CNTN4: variants seen among roughly 807,000 people sequenced by gnomAD.
CNTN4 encodes the protein contactin 4, also known as contactin-4.
CNTN4 carries 77 observed loss-of-function variants against 122.5 expected under a neutral mutation model. The observed-to-expected ratio is 0.63, with a 90% CI of 0.52 to 0.76. The LOEUF (loss-of-function observed/expected upper bound fraction) is 0.76. Ranked by LOEUF, CNTN4 falls within the 30% of genes least tolerant of loss-of-function variation. CNTN4 has a pLI of 0.00. For synonymous variants in CNTN4, 512 were observed against 447.0 expected (o/e 1.15, Z -1.83); for missense variants, 1,256 against 1,259.1 (o/e 1.00, Z 0.04).
chr3:2,545,666 G>C (rs1348908141), intron 3 of CNTN4, among the ~76,000 whole-genome samples: 2 of 139,338 alleles, frequency 1.4e-5, no homozygotes, highest in Non-Finnish European at 3.1e-5. Flanking sequence ...AGTCTGTTTT[G>C]TCTGAAATCA....
At chr3:2,653,451 G>A (rs17029694) in intron 4 of CNTN4, among the ~76,000 whole-genome samples, 7,825 of 152,178 alleles carry the variant, frequency 0.051, 302 homozygotes, top group East Asian at 0.16. Context: ...ATTGTCAAAT[G>A]AGGAAACTGA....
intron 7 of CNTN4, among the ~76,000 whole-genome samples, chr3:2,853,189 A>T (rs1172728590): frequency 7.1e-6 from 1 of 141,598 alleles, no homozygotes; most frequent in Non-Finnish European, 1.6e-5. Flanking sequence ...ACGGAAAAAA[A>T]AAAAGAACAG....
intron 2 of CNTN4, among the ~76,000 whole-genome samples, chr3:2,306,717 A>G (rs1038195249): frequency 4.6e-5 from 7 of 152,258 alleles, no homozygotes; most frequent in South Asian, 4.1e-4. Flanking sequence ...AGGTATTGCA[A>G]TCTTAACACT....
Position 3,042,514 on chromosome 3 carries a change from T to A in CNTN4, c.2511+92T>A, listed in dbSNP as rs148657212. 59 of 829,758 alleles carry A rather than the reference T, an allele frequency of 7.1e-5. 2 individuals carry two copies. Among genetic ancestry groups the A allele is most frequent in the Middle Eastern group, 6.6e-4 (3 of 4,574 alleles). 51.4% of individuals were successfully genotyped at this position (829,758 alleles called of 1,614,324 possible). On this transcript the variant is annotated intron_variant, in intron 21 of 24. Transcript: ENST00000418658. Reference sequence around the variant, plus strand: ...ACATTCTTATAGGAAGAGACCCACATTCCCACTAAGAGGCATTGGTTTTAG... The same window carrying A: ...ACATTCTTATAGGAAGAGACCCACAATCCCACTAAGAGGCATTGGTTTTAG...
At chr3:2,650,747 T>C (rs2083323851) in intron 4 of CNTN4, among the ~76,000 whole-genome samples, 2 of 152,208 alleles carry the variant, frequency 1.3e-5, no homozygotes, top group South Asian at 4.1e-4. Flanking sequence ...AACAATAAAT[T>C]ATTTTAAGTT....
At chr3:2,962,264 C>G (rs1474605881) in intron 13 of CNTN4, among the ~76,000 whole-genome samples, 1 of 152,204 alleles carries the variant, frequency 6.6e-6, no homozygotes, top group Non-Finnish European at 1.5e-5. Context: ...TAGAGCCATT[C>G]ACTTTTAAGC....
chr3:2,886,051 A>G lies in CNTN4; in HGVS notation c.756-989A>G, dbSNP rs149092298. On this transcript the variant is annotated intron_variant, in intron 9 of 24. Coordinates refer to ENST00000418658, the MANE Select transcript of CNTN4 (RefSeq NM_175607.3). ...CTGCAACATCACTTCTGTCTTATTT[A>G]TTAGTCAAAGTGGTTAAAAAGCGCT... Among the ~76,000 whole-genome samples, 29 of 152,268 alleles carry G rather than the reference A, an allele frequency of 1.9e-4. 1 individual carries two copies. The highest frequency in any genetic ancestry group is 6.0e-4 in the African/African-American group (25 of 41,554).
At chr3:2,742,343 C>G in intron 5 of CNTN4, among the ~76,000 whole-genome samples, 1 of 152,196 alleles carries the variant, frequency 6.6e-6, no homozygotes, top group East Asian at 1.9e-4. Flanking sequence ...GTGCCAACTT[C>G]CCTTATATTA....
chr3:2,169,615 T>C (rs1052653304), intron 2 of CNTN4, among the ~76,000 whole-genome samples: 16 of 151,890 alleles, frequency 1.1e-4, no homozygotes, highest in African/African-American at 3.6e-4. Context: ...GCCAGGATGG[T>C]CTCGATCTCC....
intron 3 of CNTN4, among the ~76,000 whole-genome samples, chr3:2,378,418 C>T (rs1355695274): frequency 6.6e-6 from 1 of 152,122 alleles, no homozygotes; most frequent in African/African-American, 2.4e-5. Context: ...GAAGTCAGTC[C>T]CATTGCGTTT....
chr3:2,917,227 T>C (rs1237262790), intron 12 of CNTN4, among the ~76,000 whole-genome samples: 14 of 149,454 alleles, frequency 9.4e-5, no homozygotes, highest in Admixed American at 5.3e-4. Flanking sequence ...GGCAGGGAGG[T>C]CGCAGTGAGC....
At chr3:2,895,923 C>T (rs1438863919) in intron 10 of CNTN4, among the ~76,000 whole-genome samples, 1 of 152,130 alleles carries the variant, frequency 6.6e-6, no homozygotes, top group African/African-American at 2.4e-5. Flanking sequence ...GTCCCAGCTA[C>T]TCGGGAGGCT....
At chr3:2,155,471 T>C (rs1397979290) in intron 2 of CNTN4, among the ~76,000 whole-genome samples, 1 of 151,474 alleles carries the variant, frequency 6.6e-6, no homozygotes, top group Non-Finnish European at 1.5e-5. Context: ...CAACAATCTA[T>C]GTATTACAGA....
chr3:2,273,672 A>C (rs1036905654), intron 2 of CNTN4, among the ~76,000 whole-genome samples: 1 of 152,162 alleles, frequency 6.6e-6, no homozygotes, highest in Non-Finnish European at 1.5e-5. Flanking sequence ...TTGTCATGCC[A>C]GTGTGAAGTT....
chr3:2,922,535 C>A (rs1470469309), intron 12 of CNTN4, among the ~76,000 whole-genome samples: 1 of 151,116 alleles, frequency 6.6e-6, no homozygotes, highest in African/African-American at 2.4e-5. Context: ...ATGGTTACAA[C>A]TGATAAATTT....
At chr3:2,767,379 T>C (rs749795420) in intron 6 of CNTN4, among the ~76,000 whole-genome samples, 6 of 152,170 alleles carry the variant, frequency 3.9e-5, no homozygotes, top group Admixed American at 1.3e-4. Context: ...GTAACAGCTC[T>C]CTCTCTCCTC....
intron 2 of CNTN4, among the ~76,000 whole-genome samples, chr3:2,238,496 A>C (rs888691427): frequency 8.6e-5 from 13 of 151,942 alleles, no homozygotes; most frequent in African/African-American, 3.1e-4. Flanking sequence ...TCAAAATAAA[A>C]AAATCTTAGA....
At chr3:2,545,152 T>C (rs1400057899) in intron 3 of CNTN4, among the ~76,000 whole-genome samples, 2 of 152,148 alleles carry the variant, frequency 1.3e-5, no homozygotes, top group Non-Finnish European at 2.9e-5. Flanking sequence ...TAAGAGCATG[T>C]TGTTTAATTT....
At chr3:2,607,798 T>C (rs1246051117) in intron 4 of CNTN4, among the ~76,000 whole-genome samples, 1 of 152,172 alleles carries the variant, frequency 6.6e-6, no homozygotes, top group Non-Finnish European at 1.5e-5. Flanking sequence ...CTGTACAATG[T>C]TCTTACCTAT....
Sources: allele counts gnomAD v4.1 joint callset (sites outside exome capture counted in the v4.1 genomes callset), GRCh38; gene constraint gnomAD v4.1.1; transcripts MANE v1.5; gene names NCBI Gene and HGNC (gene_info 2026-07-23, HGNC 2026-07-21).